FBXL17: variants seen among roughly 807,000 people sequenced by gnomAD.
FBXL17 encodes the protein F-box/LRR-repeat protein 17.
A neutral mutation model predicts 66.2 loss-of-function variants in FBXL17; 22 were observed. The ratio of observed to expected loss-of-function variants is 0.33; its 90% CI spans 0.24 to 0.47. The LOEUF (loss-of-function observed/expected upper bound fraction) is 0.47, where lower values mean the gene tolerates loss of function less well. FBXL17 is among the 20% of genes least tolerant of loss of function. The pLI, the probability that FBXL17 is intolerant of heterozygous loss-of-function variation, is 1.00. For missense variants in FBXL17, 878 were observed against 948.2 expected (o/e 0.93, Z 0.97); for synonymous variants, 474 against 400.5 (o/e 1.18, Z -2.19).
At chr5:108,214,095 A>G (rs1251547014) in intron 5 of FBXL17, among the ~76,000 whole-genome samples, 1 of 152,144 alleles carries the variant, frequency 6.6e-6, no homozygotes, top group East Asian at 1.9e-4. Flanking sequence ...CTTTTATAAC[A>G]ACATATTGTT....
chr5:108,060,990 C>T (rs962722584), intron 6 of FBXL17, among the ~76,000 whole-genome samples: 10 of 151,764 alleles, frequency 6.6e-5, no homozygotes, highest in Admixed American at 3.3e-4. Flanking sequence ...TTTTTTAATT[C>T]AAAAAAATTT....
At position 107,948,659 on chromosome 5, in the gene FBXL17, T is replaced by C. The variant is rs541685118; in HGVS notation, c.1823-67480A>G. On this transcript the variant is annotated intron_variant, in intron 7 of 8. Transcript: ENST00000542267. The stretch of plus-strand genomic sequence containing the variant: ...AATGTCATGTCAATGGCTTTTGAAT[T>C]AAACCCAAATTTCTTCCTTGGCCTT... Among the ~76,000 whole-genome samples, 3 of 152,320 alleles carry C rather than the reference T, an allele frequency of 2.0e-5. No homozygotes were observed. In the East Asian group the frequency reaches 5.8e-4, roughly 29 times the overall value.
intron 6 of FBXL17, among the ~76,000 whole-genome samples, chr5:108,044,731 T>A (rs926953378): frequency 6.6e-6 from 1 of 152,196 alleles, no homozygotes; most frequent in Non-Finnish European, 1.5e-5. Context: ...CTTAAAATGT[T>A]TGGTAGAATA....
At position 108,145,821 on chromosome 5, in the gene FBXL17, C is replaced by CAATAATAATAATAAT. The variant is rs139233106; in HGVS notation, c.1745+40281_1745+40295dup. On this transcript the variant is annotated intron_variant, in intron 6 of 8. Coordinates refer to ENST00000542267, the MANE Select transcript of FBXL17 (RefSeq NM_001163315.3). Reference sequence around the variant, plus strand: ...AGCACTAAATTTTCGGTTGCCTAAACAATAATAATAATAATAATAATAATA... The same window carrying CAATAATAATAATAAT: ...AGCACTAAATTTTCGGTTGCCTAAACAATAATAATAATAATAATAATAATAATAATAATAATAATA... 3.1e-3 allele frequency among the ~76,000 whole-genome samples: 460 copies of CAATAATAATAATAAT among 146,148 alleles called. 5 individuals are homozygous for CAATAATAATAATAAT. The highest frequency in any genetic ancestry group is 0.011 in the African/African-American group (445 of 39,790).
At chr5:107,886,991 G>T (rs1748993333) in intron 7 of FBXL17, among the ~76,000 whole-genome samples, 1 of 151,414 alleles carries the variant, frequency 6.6e-6, no homozygotes, top group South Asian at 2.1e-4. Flanking sequence ...ACACCATGTG[G>T]GGTCCTGAGT....
rs1554070050 is a variant in FBXL17 at position 108,154,606 on chromosome 5, A to ATAT, written c.1745+31510_1745+31511insATA. 1.9e-3 allele frequency among the ~76,000 whole-genome samples: 182 copies of ATAT among 96,702 alleles called. 3 individuals are homozygous for ATAT. The highest frequency in any genetic ancestry group is 0.011 in the East Asian group (31 of 2,796). The allele number at this position is 96,702 out of a possible 152,430, so 63.4% of individuals were successfully genotyped here. The stretch of plus-strand genomic sequence containing the variant: ...ACTCAGTTTCAAAAAAAAAAAAAAA[A>ATAT]ATATATATATACACACACACACACA... On this transcript the variant is annotated intron_variant, in intron 6 of 8. Transcript: ENST00000542267.
At chr5:107,890,257 C>T (rs995571281) in intron 7 of FBXL17, among the ~76,000 whole-genome samples, 1 of 151,764 alleles carries the variant, frequency 6.6e-6, no homozygotes, top group African/African-American at 2.4e-5. Flanking sequence ...TGGGAAAGTA[C>T]ATTAGTGTCT....
intron 7 of FBXL17, among the ~76,000 whole-genome samples, chr5:107,981,820 T>A (rs1482255251): frequency 1.3e-5 from 2 of 152,154 alleles, no homozygotes; most frequent in Non-Finnish European, 2.9e-5. Context: ...TAGAGCCACA[T>A]CTACCTGAAT....
At chr5:108,356,834 G>T (rs553760838) in intron 3 of FBXL17, among the ~76,000 whole-genome samples, 1 of 152,036 alleles carries the variant, frequency 6.6e-6, no homozygotes, top group East Asian at 1.9e-4. Flanking sequence ...TGGAAATAAA[G>T]ATATATCAAT....
chr5:108,216,926 C>G (rs1016728111), intron 5 of FBXL17, among the ~76,000 whole-genome samples: 4 of 152,184 alleles, frequency 2.6e-5, no homozygotes, highest in Non-Finnish European at 4.4e-5. Flanking sequence ...CACAGAAATG[C>G]CTTTGTCCTT....
At chr5:108,163,034 T>C (rs1191079689) in intron 6 of FBXL17, among the ~76,000 whole-genome samples, 1 of 152,182 alleles carries the variant, frequency 6.6e-6, no homozygotes, top group African/African-American at 2.4e-5. Flanking sequence ...AACTCTTATA[T>C]TACAATATTC....
intron 3 of FBXL17, among the ~76,000 whole-genome samples, chr5:108,358,360 G>C (rs1487600643): frequency 6.6e-6 from 1 of 152,042 alleles, no homozygotes; most frequent in East Asian, 1.9e-4. Context: ...TCTATTCCTA[G>C]TTTGATAGGT....
intron 2 of FBXL17, among the ~76,000 whole-genome samples, chr5:108,365,529 G>A (rs1025647539): frequency 6.6e-6 from 1 of 152,070 alleles, no homozygotes; most frequent in Non-Finnish European, 1.5e-5. Flanking sequence ...CTCTTCCAGT[G>A]GGCTGGCCCT....
At chr5:108,344,919 C>CTATG (rs1747163818) in intron 4 of FBXL17, among the ~76,000 whole-genome samples, 1 of 152,222 alleles carries the variant, frequency 6.6e-6, no homozygotes, top group Non-Finnish European at 1.5e-5. Flanking sequence ...CTCCTCAAAT[C>CTATG]TATGTGTATA....
chr5:108,319,775 A>C (rs1045446497), intron 4 of FBXL17, among the ~76,000 whole-genome samples: 5 of 151,688 alleles, frequency 3.3e-5, no homozygotes, highest in African/African-American at 4.8e-5. Context: ...AACTTCTATT[A>C]ATATTACTAT....
At chr5:107,940,494 T>A (rs1408624674) in intron 7 of FBXL17, among the ~76,000 whole-genome samples, 1 of 152,126 alleles carries the variant, frequency 6.6e-6, no homozygotes, top group Non-Finnish European at 1.5e-5. Flanking sequence ...AAGGTGGTGA[T>A]CTTCAGGGGC....
chr5:108,017,357 T>C (rs752421331), intron 7 of FBXL17, among the ~76,000 whole-genome samples: 3 of 152,190 alleles, frequency 2.0e-5, no homozygotes, highest in Non-Finnish European at 4.4e-5. Context: ...TATAGACTAA[T>C]GTAGGTCAAA....
chr5:107,952,646 T>G (rs1751533480), intron 7 of FBXL17, among the ~76,000 whole-genome samples: 1 of 152,230 alleles, frequency 6.6e-6, no homozygotes, highest in South Asian at 2.1e-4. Context: ...TGGTTACATT[T>G]CAAATATTGG....
intron 4 of FBXL17, among the ~76,000 whole-genome samples, chr5:108,335,986 C>G (rs1760364201): frequency 6.6e-6 from 1 of 151,780 alleles, no homozygotes; most frequent in South Asian, 2.1e-4. Context: ...CAATTTTTTC[C>G]CCTCTCAAAT....
Sources: gnomAD v4.1 joint callset for allele counts (sites outside exome capture counted in the v4.1 genomes callset) on GRCh38, gnomAD v4.1.1 for gene constraint, MANE v1.5 for transcripts, NCBI Gene and HGNC (gene_info 2026-07-23, HGNC 2026-07-21) for gene names.